BRD10: variants seen among roughly 807,000 people sequenced by gnomAD.
The protein encoded by BRD10 is bromodomain containing 10.
chr9:6,008,333 A>G, the BRD10 span: 1 of 984,736 alleles, frequency 1.0e-6, no homozygotes, highest in Non-Finnish European at 1.2e-6. Context: ...CCCGGCGACA[A>G]CTGTCAGTTA....
chr9:5,974,212 A>G, the BRD10 span, among the ~76,000 whole-genome samples: 1 of 152,206 alleles, frequency 6.6e-6, no homozygotes, highest in Non-Finnish European at 1.5e-5. Context: ...AATAAACCAG[A>G]AACAACAGAA....
the BRD10 span, among the ~76,000 whole-genome samples, chr9:5,883,835 C>T: frequency 6.6e-6 from 1 of 152,098 alleles, no homozygotes; most frequent in East Asian, 1.9e-4. Context: ...ACCTTCATAA[C>T]CTCCCATTAA....
chr9:5,944,344 G>T, the BRD10 span, among the ~76,000 whole-genome samples: 1 of 151,824 alleles, frequency 6.6e-6, no homozygotes, highest in African/African-American at 2.4e-5. Context: ...ATTAGAAAAT[G>T]AAAGTAAAGA....
chr9:5,978,209 C>G, the BRD10 span, among the ~76,000 whole-genome samples: 1 of 151,778 alleles, frequency 6.6e-6, no homozygotes, highest in African/African-American at 2.4e-5. Flanking sequence ...GAAGCTGTGC[C>G]TAAGGTTATT....
At chr9:5,940,257 G>C in the BRD10 span, among the ~76,000 whole-genome samples, 1 of 152,020 alleles carries the variant, frequency 6.6e-6, no homozygotes, top group African/African-American at 2.4e-5. Flanking sequence ...ACAGTGGTGC[G>C]ATCTTGGCTC....
chr9:6,007,408 C>G, the BRD10 span: 1 of 1,608,160 alleles, frequency 6.2e-7, no homozygotes, highest in Non-Finnish European at 8.5e-7. Flanking sequence ...CGGGAAGGCG[C>G]GACCGCCCCG....
the BRD10 span, among the ~76,000 whole-genome samples, chr9:5,979,702 T>C: frequency 1.9e-4 from 29 of 152,202 alleles, no homozygotes; most frequent in African/African-American, 5.5e-4. Flanking sequence ...CCAATTTTCA[T>C]TGATTTTATT....
At chr9:5,956,266 A>G in the BRD10 span, among the ~76,000 whole-genome samples, 2 of 152,172 alleles carry the variant, frequency 1.3e-5, no homozygotes, top group Non-Finnish European at 1.5e-5. Context: ...CAGCTACTCT[A>G]TTTGAATGGA....
At chr9:5,930,369 T>TTTTATATATATACATATATATATATATA in the BRD10 span, among the ~76,000 whole-genome samples, 2 of 135,544 alleles carry the variant, frequency 1.5e-5, no homozygotes, top group African/African-American at 5.7e-5. Context: ...TATAAGGAGA[T>TTTTATATATATACATATATATATATATA]TATATATATA....
At chr9:5,945,163 C>A in the BRD10 span, among the ~76,000 whole-genome samples, 3 of 152,088 alleles carry the variant, frequency 2.0e-5, no homozygotes, top group Admixed American at 2.0e-4. Flanking sequence ...ATAAAAGAAG[C>A]TGAAATTTCA....
the BRD10 span, among the ~76,000 whole-genome samples, chr9:5,961,894 G>T: frequency 3.3e-5 from 5 of 152,090 alleles, no homozygotes; most frequent in Admixed American, 2.6e-4. Context: ...ATCACCTGCC[G>T]GTCTATCAAT....
the BRD10 span, chr9:6,008,383 G>C: frequency 1.2e-6 from 1 of 817,504 alleles, no homozygotes; most frequent in Non-Finnish European, 1.5e-6. Flanking sequence ...AAGGGGAGGG[G>C]CAGGGAGAGA....
chr9:5,957,226 G>A, the BRD10 span, among the ~76,000 whole-genome samples: 1 of 152,096 alleles, frequency 6.6e-6, no homozygotes, highest in Non-Finnish European at 1.5e-5. Flanking sequence ...TAACTCTACT[G>A]TAATACTGGA....
the BRD10 span, among the ~76,000 whole-genome samples, chr9:5,926,541 AT>A: frequency 1.3e-5 from 2 of 151,428 alleles, no homozygotes; most frequent in South Asian, 4.2e-4. Context: ...TTATTTATTT[AT>A]TTTTTTTGAG....
At chr9:5,958,941 T>G in the BRD10 span, among the ~76,000 whole-genome samples, 2 of 152,170 alleles carry the variant, frequency 1.3e-5, no homozygotes, top group African/African-American at 4.8e-5. Flanking sequence ...GTTTCTGGAG[T>G]GTTCTATCTC....
chr9:5,889,889 T>G, the BRD10 span, among the ~76,000 whole-genome samples: 1 of 152,218 alleles, frequency 6.6e-6, no homozygotes, highest in African/African-American at 2.4e-5. Context: ...GTAGGTCATA[T>G]TCTACCTGCA....
chr9:5,952,009 T>TTATG, the BRD10 span, among the ~76,000 whole-genome samples: 1 of 144,346 alleles, frequency 6.9e-6, no homozygotes, highest in Admixed American at 7.2e-5. Flanking sequence ...ACTTATTTAT[T>TTATG]TATTTATTTA....
chr9:5,899,291 T>C, the BRD10 span: 2 of 152,166 alleles, frequency 1.3e-5, no homozygotes, highest in African/African-American at 2.4e-5. Flanking sequence ...GGGGTGGGGA[T>C]TGAAGCTTGG....
At chr9:5,904,747 G>C in the BRD10 span, among the ~76,000 whole-genome samples, 1 of 149,966 alleles carries the variant, frequency 6.7e-6, no homozygotes, top group Non-Finnish European at 1.5e-5. Context: ...TTACAGGCGT[G>C]AGCCACCGCG....
Sources: allele counts gnomAD v4.1 joint callset (sites outside exome capture counted in the v4.1 genomes callset), GRCh38; gene constraint gnomAD v4.1.1; transcripts MANE v1.5; gene names NCBI Gene and HGNC (gene_info 2026-07-23, HGNC 2026-07-21).